NKD1: variants seen among roughly 807,000 people sequenced by gnomAD.
The protein encoded by NKD1 is NKD inhibitor of Wnt signaling pathway 1, also known as protein naked cuticle homolog 1.
In NKD1, 21 loss-of-function variants were observed where a neutral mutation model predicts 56.0. The ratio of observed to expected loss-of-function variants is 0.38; its 90% CI spans 0.27 to 0.54. NKD1 has a LOEUF of 0.54. NKD1 is among the 20% of genes least tolerant of loss of function. The pLI, the probability that NKD1 is intolerant of heterozygous loss-of-function variation, is 0.82. For synonymous variants in NKD1, 263 were observed against 265.7 expected, an observed-to-expected ratio of 0.99 and a Z score of 0.10; for missense variants, 578 against 642.7, an observed-to-expected ratio of 0.90 and a Z score of 1.09.
At chr16:50,570,910 AC>A (rs1177368253) in intron 3 of NKD1, 5 of 985,126 alleles carry the variant, frequency 5.1e-6, no homozygotes, top group Non-Finnish European at 6.0e-6. Context: ...TGTAGCCCCC[AC>A]CCCAGCCATA....
intron 5 of NKD1, 21 bp from the exon 6 acceptor site, chr16:50,625,464 C>A: frequency 6.4e-7 from 1 of 1,565,768 alleles, no homozygotes; most frequent in Non-Finnish European, 8.8e-7. Context: ...GGACCAGCCC[C>A]GCCCATCTCT....
At chr16:50,573,977 G>GTA in intron 3 of NKD1, 1 of 976,326 alleles carries the variant, frequency 1.0e-6, no homozygotes, top group South Asian at 4.7e-5. Context: ...ATATATGTAT[G>GTA]TATATATAAT....
chr16:50,609,701 A>G (rs1961800066), intron 4 of NKD1, among the ~76,000 whole-genome samples: 1 of 152,210 alleles, frequency 6.6e-6, no homozygotes, highest in Non-Finnish European at 1.5e-5. Context: ...GCTTGCATGA[A>G]CACTGCACTC....
In NKD1 at chr16:50,549,487, C is replaced by T. The variant is rs1040263886; in HGVS notation, c.124C>T (p.Arg42Cys). The T allele has an allele frequency of 4.3e-6, 7 of 1,609,864 alleles. No homozygotes were observed. Among genetic ancestry groups the T allele is most frequent in the East Asian group, 2.2e-5 (1 of 44,450 alleles). Reference sequence around the variant, plus strand: ...CATCGAGGAGTGGATCGGGAGACAGCGCTGCCCGGGCGGTGTCTCGGGACC... The same window carrying T: ...CATCGAGGAGTGGATCGGGAGACAGTGCTGCCCGGGCGGTGTCTCGGGACC... The part of the protein sequence containing the change: ...KGIEEWIGRQ[R>C]CPGGVSGPRQ... Residue 42 changes from arginine (R) to cysteine (C), a missense_variant, in exon 3 of 10, where the codon CGC (arginine) becomes TGC (cysteine). Physicochemically the swap from Arg to Cys is radical, Grantham distance 180. Transcript: ENST00000268459.
intron 3 of NKD1, among the ~76,000 whole-genome samples, chr16:50,569,068 A>T (rs992523237): frequency 6.6e-6 from 1 of 152,184 alleles, no homozygotes; most frequent in Middle Eastern, 3.2e-3. Flanking sequence ...GAGATCTATC[A>T]TCTCAGCTTT....
At position 50,633,820 on chromosome 16, in the gene NKD1, C is replaced by T. The variant is rs1962409580; in HGVS notation, c.*39C>T. 1 of 1,019,766 alleles carries T rather than the reference C, an allele frequency of 9.8e-7. No homozygotes were observed. The highest frequency in any genetic ancestry group is 1.4e-6 in the Non-Finnish European group (1 of 716,242). The allele number at this position is 1,019,766 out of a possible 1,614,324, so 63.2% of individuals were successfully genotyped here. On this transcript the variant is annotated 3_prime_UTR_variant, in exon 10 of 10. Transcript: ENST00000268459. The surrounding 1 kb of genome is among the most constrained non-coding windows in gnomAD (Gnocchi z 4.9). ...GGCCCCACCCTGCCATATGAAGGAC[C>T]CCACCCCCGACACCACAAGGCATTA...
rs531641818 is a variant in NKD1 at position 50,555,992 on chromosome 16, C to T, written c.192+6437C>T. ...TCCCTGAGGAAGGAAAAAATTCAGT[C>T]TCTCACAAACAAAATATCTGCCATT... On this transcript the variant is annotated intron_variant, in intron 3 of 9. Transcript: ENST00000268459. 4.9e-5 allele frequency: 7 copies of T among 143,428 alleles called. No homozygotes were observed. In the East Asian group the frequency reaches 1.7e-3, roughly 34 times the overall value. The allele number at this position is 143,428 out of a possible 1,614,324, so 8.9% of individuals were successfully genotyped here.
In NKD1 at chr16:50,632,075, G is replaced by C. The variant is rs1449395900; in HGVS notation, c.696-206G>C. On this transcript the variant is annotated intron_variant, in intron 8 of 9. Coordinates refer to ENST00000268459, the MANE Select transcript of NKD1 (RefSeq NM_033119.5). The surrounding 1 kb of genome is among the most constrained non-coding windows in gnomAD (Gnocchi z 4.1). The stretch of plus-strand genomic sequence containing the variant: ...CTGCGGGGAGGTCGGGCTGTGGGCT[G>C]TGGTCTATGGTCTGTCTCTCCATCG... 6.6e-6 allele frequency among the ~76,000 whole-genome samples: 1 copy of C among 152,228 alleles called. No individual in the cohort carries two copies. The highest frequency in any genetic ancestry group is 2.4e-5 in the African/African-American group (1 of 41,450).
chr16:50,559,603 G>A (rs948921027), intron 3 of NKD1, among the ~76,000 whole-genome samples: 2 of 151,888 alleles, frequency 1.3e-5, no homozygotes, highest in Non-Finnish European at 2.9e-5. Context: ...TGCTGGGCTG[G>A]GTGGTACCAC....
At chr16:50,591,607 G>T (rs979412223) in intron 3 of NKD1, among the ~76,000 whole-genome samples, 1 of 152,164 alleles carries the variant, frequency 6.6e-6, no homozygotes, top group Non-Finnish European at 1.5e-5. Context: ...TTGTACAGAT[G>T]AGGAAACTGA....
chr16:50,600,257 AAAC>A (rs1358529423), intron 3 of NKD1, among the ~76,000 whole-genome samples: 2 of 152,028 alleles, frequency 1.3e-5, no homozygotes, highest in East Asian at 1.9e-4. Flanking sequence ...ACAAACAAAC[AAAC>A]AACAAAAAAC....
In NKD1 at chr16:50,633,439, T is replaced by C. The variant is rs1414564877; in HGVS notation, c.1071T>C (p.Gly357=). The C allele has an allele frequency of 6.2e-7, 1 of 1,610,828 alleles. No individual in the cohort carries two copies. The highest frequency in any genetic ancestry group is 2.2e-5 in the East Asian group (1 of 44,838). The change falls in exon 10 of 10, where the codon GGT becomes GGC. Residue 357 remains glycine, a synonymous_variant. Transcript: ENST00000268459. This position sits in a 1 kb window ranked among gnomAD's most constrained non-coding sequence, Gnocchi z 4.9. ...CCAAGGCCCAGGGCAAGAGTGTGGG[T>C]GTGGGCCACGTGGCCAGAGGGGCAA... ...RSPKAQGKSV[G]VGHVARGARN... is the part of the protein sequence containing the mutation.
chr16:50,569,864 T>C (rs1184666396), intron 3 of NKD1, among the ~76,000 whole-genome samples: 11 of 152,160 alleles, frequency 7.2e-5, no homozygotes. Context: ...GTTCCTTGGA[T>C]GGAGGAAGTC....
rs1380706674 is a variant in NKD1 at position 50,643,993 on chromosome 16, A to G, written c.*10212A>G. The G allele has an allele frequency of 6.6e-6, 1 of 152,276 alleles. No homozygotes were observed. The highest frequency in any genetic ancestry group is 1.5e-5 in the Non-Finnish European group (1 of 68,050). 9.4% of individuals were successfully genotyped at this position (152,276 alleles called of 1,614,324 possible). A position where few individuals can be genotyped will look rare whatever the true frequency, so the allele number is the denominator to read the frequency against. ...ACAAACATGCACAAAGCATGATGCT[A>G]AACAGACTGTGAGAAGGATGTTTGT... On this transcript the variant is annotated 3_prime_UTR_variant, in exon 10 of 10. Coordinates refer to ENST00000268459, the MANE Select transcript of NKD1 (RefSeq NM_033119.5).
chr16:50,571,017 TGTCCC>T, intron 3 of NKD1: 9 of 984,408 alleles, frequency 9.1e-6, no homozygotes, highest in Non-Finnish European at 1.1e-5. Context: ...GGTGTGCACC[TGTCCC>T]GCTGTCAGGG....
At chr16:50,617,869 G>A (rs1961998023) in intron 4 of NKD1, among the ~76,000 whole-genome samples, 1 of 152,210 alleles carries the variant, frequency 6.6e-6, no homozygotes, top group African/African-American at 2.4e-5. Context: ...GGAAGTAGAG[G>A]GTGGCACACA....
At chr16:50,610,110 C>T (rs924646593) in intron 4 of NKD1, among the ~76,000 whole-genome samples, 6 of 152,134 alleles carry the variant, frequency 3.9e-5, no homozygotes, top group Non-Finnish European at 7.4e-5. Context: ...GCTGGAGGAT[C>T]GCTTGAGCTC....
chr16:50,569,965 G>A (rs1263191965), intron 3 of NKD1, among the ~76,000 whole-genome samples: 1 of 152,170 alleles, frequency 6.6e-6, no homozygotes, highest in African/African-American at 2.4e-5. Context: ...GCCTACCATG[G>A]CAGCCTCTGT....
chr16:50,564,380 C>T (rs2151264842), intron 3 of NKD1, among the ~76,000 whole-genome samples: 1 of 152,352 alleles, frequency 6.6e-6, no homozygotes, highest in South Asian at 2.1e-4. Context: ...TTGGAGGCAG[C>T]AGCATTGAGT....
Sources: allele counts gnomAD v4.1 joint callset (sites outside exome capture counted in the v4.1 genomes callset), GRCh38; gene constraint gnomAD v4.1.1; non-coding constraint Gnocchi (gnomAD v3.1); transcripts MANE v1.5; gene names NCBI Gene and HGNC (gene_info 2026-07-23, HGNC 2026-07-21).